The following COL6A5 variants were observed in gnomAD, a reference collection of about 807,000 sequenced individuals.
COL6A5 encodes the protein collagen type VI alpha 5 chain.
COL6A5 carries 48 observed loss-of-function variants against 65.6 expected under a neutral mutation model. That is an observed-to-expected ratio of 0.73 (90% CI 0.58 to 0.93). The LOEUF (loss-of-function observed/expected upper bound fraction) is 0.93. COL6A5 is among the 40% of genes least tolerant of loss of function. The pLI is 0.00. For missense variants in COL6A5, 914 were observed against 928.3 expected (o/e 0.98, Z 0.20); for synonymous variants, 291 against 322.8 (o/e 0.90, Z 1.05).
At chr3:130,375,864 T>C (rs1559865038) in intron 2 of COL6A5, among the ~76,000 whole-genome samples, 2 of 152,082 alleles carry the variant, frequency 1.3e-5, no homozygotes, top group African/African-American at 4.8e-5. Flanking sequence ...TTACCTCCTA[T>C]TGGGTCCCTC....
chr3:130,359,450 T>A (rs1935036065), intron 1 of COL6A5, among the ~76,000 whole-genome samples: 1 of 152,066 alleles, frequency 6.6e-6, no homozygotes, highest in African/African-American at 2.4e-5. Flanking sequence ...AATTGTTTAT[T>A]TTTTTCTCAC....
chr3:130,437,993 C>G (rs1172456071), intron 1 of COL6A5, among the ~76,000 whole-genome samples: 1 of 151,308 alleles, frequency 6.6e-6, no homozygotes, highest in African/African-American at 2.4e-5. Flanking sequence ...TTTTTGTTTG[C>G]TTTTTTGTTT....
chr3:130,465,581 A>G (rs1433933542), intron 5 of COL6A5, among the ~76,000 whole-genome samples: 4 of 152,096 alleles, frequency 2.6e-5, no homozygotes, highest in Non-Finnish European at 5.9e-5. Context: ...AGCAAGATCC[A>G]AAAGGATCAG....
intron 13 of COL6A5, among the ~76,000 whole-genome samples, chr3:130,404,199 G>C (rs571619079): frequency 1.3e-5 from 2 of 152,146 alleles, no homozygotes; most frequent in African/African-American, 2.4e-5. Context: ...AGAGGTTTGC[G>C]AATCTCTGTG....
chr3:130,409,245 C>T (rs981867072), intron 17 of COL6A5, 81 bp from the exon 18 acceptor site: 3 of 1,011,600 alleles, frequency 3.0e-6, no homozygotes, highest in African/African-American at 3.3e-5. Flanking sequence ...GATTAACCCC[C>T]CTACATACAA....
intron 5 of COL6A5, among the ~76,000 whole-genome samples, chr3:130,457,750 TTTCA>T (rs1336423065): frequency 6.6e-6 from 1 of 152,156 alleles, no homozygotes; most frequent in Non-Finnish European, 1.5e-5. Flanking sequence ...CTTTTCTTTC[TTTCA>T]ATCATCTTTA....
intron 1 of COL6A5, among the ~76,000 whole-genome samples, chr3:130,364,012 G>A (rs1351590025): frequency 6.6e-6 from 1 of 152,100 alleles, no homozygotes; most frequent in African/African-American, 2.4e-5. Context: ...TTGTTTTTAG[G>A]ATGGAGTGAC....
intron 3 of COL6A5, 85 bp downstream of exon 3, chr3:130,376,921 G>A (rs1390972958): frequency 1.4e-6 from 2 of 1,382,222 alleles, no homozygotes; most frequent in Non-Finnish European, 1.9e-6. Context: ...CTCATGTTAG[G>A]TTTTCATGAT....
chr3:130,382,145 C>T (rs755083327), intron 4 of COL6A5, among the ~76,000 whole-genome samples: 73 of 151,970 alleles, frequency 4.8e-4, no homozygotes, highest in Non-Finnish European at 7.6e-4. Context: ...TGGATAGTAA[C>T]GTTGGCTCAA....
intron 19 of COL6A5, among the ~76,000 whole-genome samples, 183 bp from the exon 20 acceptor site, chr3:130,410,288 G>GTAA (rs397749245): frequency 6.6e-6 from 1 of 151,926 alleles, no homozygotes; most frequent in African/African-American, 2.4e-5. Flanking sequence ...GGAAAATGTA[G>GTAA]CAGTGAATGT....
intron 20 of COL6A5, among the ~76,000 whole-genome samples, chr3:130,412,093 A>G (rs1015094060): frequency 2.0e-5 from 3 of 152,098 alleles, no homozygotes; most frequent in Admixed American, 2.0e-4. Context: ...TCCCAAAACA[A>G]TGGATCCACA....
intron 5 of COL6A5, among the ~76,000 whole-genome samples, chr3:130,465,736 A>G (rs1222664397): frequency 1.3e-5 from 2 of 152,098 alleles, no homozygotes; most frequent in Admixed American, 6.6e-5. Context: ...GAAGAGTATA[A>G]TCACTTAAAA....
At chr3:130,395,907 ATG>A (rs1429880004) in intron 8 of COL6A5, among the ~76,000 whole-genome samples, 1 of 149,420 alleles carries the variant, frequency 6.7e-6, no homozygotes, top group Non-Finnish European at 1.5e-5. Flanking sequence ...GTGTGTGTGT[ATG>A]TGTGTGTGTA....
intron 7 of COL6A5, among the ~76,000 whole-genome samples, chr3:130,480,374 T>G (rs1165696142): frequency 1.3e-5 from 2 of 152,016 alleles, no homozygotes; most frequent in African/African-American, 4.8e-5. Flanking sequence ...CTTAAATATA[T>G]ATATTTTTGC....
intron 4 of COL6A5, among the ~76,000 whole-genome samples, chr3:130,452,180 C>G (rs1022432460): frequency 7.2e-5 from 11 of 152,170 alleles, no homozygotes; most frequent in Admixed American, 5.9e-4. Flanking sequence ...AGACTACTCA[C>G]CACTTGTCAG....
intron 5 of COL6A5, among the ~76,000 whole-genome samples, chr3:130,462,960 T>A (rs996217983): frequency 5.3e-5 from 8 of 152,170 alleles, no homozygotes; most frequent in Middle Eastern, 3.4e-3. Flanking sequence ...CTACCACTTA[T>A]CAGCCATCCT....
chr3:130,404,938 C>CAA (rs1227930696), intron 13 of COL6A5, among the ~76,000 whole-genome samples: 1 of 152,198 alleles, frequency 6.6e-6, no homozygotes, highest in Non-Finnish European at 1.5e-5. Context: ...CCTCAAAAAG[C>CAA]ACAAAATTGT....
At chr3:130,470,556 T>TAAAAAAAAA (rs1559920041) in intron 6 of COL6A5, among the ~76,000 whole-genome samples, 1 of 151,970 alleles carries the variant, frequency 6.6e-6, no homozygotes, top group African/African-American at 2.4e-5. Context: ...AAACATTTTT[T>TAAAAAAAAA]AAAAAATAGT....
chr3:130,472,288 G>A (rs891609806), intron 7 of COL6A5, among the ~76,000 whole-genome samples: 1 of 151,960 alleles, frequency 6.6e-6, no homozygotes, highest in Non-Finnish European at 1.5e-5. Flanking sequence ...TTTAATACTC[G>A]AGATCTGCTC....
Sources: allele counts gnomAD v4.1 joint callset (sites outside exome capture counted in the v4.1 genomes callset), GRCh38; gene constraint gnomAD v4.1.1; transcripts MANE v1.5; gene names NCBI Gene and HGNC (gene_info 2026-07-23, HGNC 2026-07-21).